The following BPI variants were observed in gnomAD, a reference collection of about 807,000 sequenced individuals.
The protein encoded by BPI is bactericidal permeability increasing protein.
Under a neutral mutation model 57.6 loss-of-function variants are expected in BPI, and 48 were observed. That is an observed-to-expected ratio of 0.83 (90% confidence interval 0.66 to 1.06). The LOEUF (loss-of-function observed/expected upper bound fraction) is 1.06, where lower values mean the gene tolerates loss of function less well. BPI is among the 50% of genes least tolerant of loss of function. BPI has a pLI of 0.00. For missense variants in BPI, 651 were observed against 609.7 expected, an observed-to-expected ratio of 1.07 and a Z score of -0.71; for synonymous variants, 237 against 238.2, an observed-to-expected ratio of 0.99 and a Z score of 0.05.
At chr20:38,336,793 T>G (rs1252445006) in intron 14 of BPI, among the ~76,000 whole-genome samples, 5 of 152,098 alleles carry the variant, frequency 3.3e-5, no homozygotes, top group African/African-American at 1.2e-4. Flanking sequence ...AAATCCTGAG[T>G]GAAGGACACA....
intron 3 of BPI, 55 bp downstream of exon 3, chr20:38,309,113 G>A: frequency 5.0e-6 from 8 of 1,608,658 alleles, no homozygotes; most frequent in Admixed American, 1.7e-5. Flanking sequence ...ATTTGGACGG[G>A]ATTAGAGAGT....
chr20:38,325,163 C>T (rs192956737), intron 9 of BPI, among the ~76,000 whole-genome samples: 276 of 152,290 alleles, frequency 1.8e-3, no homozygotes, highest in Middle Eastern at 0.01. Flanking sequence ...AGCTCCCAGA[C>T]CAGTGGAGAG....
Position 38,315,039 on chromosome 20 carries a change from G to A in BPI, c.600+3102G>A, listed in dbSNP as rs372662967. Among the ~76,000 whole-genome samples, 21 of 152,200 alleles carry A rather than the reference G, an allele frequency of 1.4e-4. No individual in the cohort carries two copies. In the East Asian group the frequency reaches 4.0e-3, roughly 29 times the overall value. On this transcript the variant is annotated intron_variant, in intron 5 of 14. Transcript: ENST00000642449. ...GATGGTGGGGATGGTGATGATGTTG[G>A]CCCATATAATATACTGAGTGTTTAC...
At chr20:38,309,462 G>A (rs2076611967) in intron 3 of BPI, among the ~76,000 whole-genome samples, 1 of 152,156 alleles carries the variant, frequency 6.6e-6, no homozygotes. Context: ...AGCAGAGGAG[G>A]CTTGGCTCCA....
Position 38,319,849 on chromosome 20 carries a change from C to T in BPI, c.665-334C>T, listed in dbSNP as rs545323765. The T allele has an allele frequency of 2.1e-5, 4 of 186,836 alleles. No individual in the cohort carries two copies. The South Asian group carries it at 3.3e-4, about 15-fold the overall frequency. The allele number at this position is 186,836 out of a possible 1,614,324, so 11.6% of individuals were successfully genotyped here. A position where few individuals can be genotyped will look rare whatever the true frequency, so the allele number is the denominator to read the frequency against. On this transcript the variant is annotated intron_variant, in intron 6 of 14. Transcript: ENST00000642449. The stretch of plus-strand genomic sequence containing the variant: ...GGTCACTAGGATTCTCTCTGTTCTA[C>T]AAATGACAAAAAGTGCTCAGAGAAG...
Position 38,334,669 on chromosome 20 carries a change from A to G in BPI, c.1336+176A>G, listed in dbSNP as rs6014756. On this transcript the variant is annotated intron_variant, in intron 13 of 14. Coordinates refer to ENST00000642449, the MANE Select transcript of BPI (RefSeq NM_001725.3). ...AATGCAACAAAAAGGAACTCACATG[A>G]GTTGACTTACTACACATGGGTTGAT... is the stretch of plus-strand genomic sequence containing the variant. Among the ~76,000 whole-genome samples the G allele has an allele frequency of 5.5e-3, 835 of 152,320 alleles. 9 individuals carry two copies. The highest frequency in any genetic ancestry group is 0.019 in the African/African-American group (800 of 41,574).
At chr20:38,334,547 G>C (rs1308525347) in intron 13 of BPI, 54 bp downstream of exon 13, 1 of 1,554,166 alleles carries the variant, frequency 6.4e-7, no homozygotes, top group Non-Finnish European at 8.9e-7. Context: ...AGAGGGTGGG[G>C]TTGATTACCC....
intron 5 of BPI, among the ~76,000 whole-genome samples, chr20:38,313,463 A>G (rs1005432428): frequency 1.3e-5 from 2 of 151,458 alleles, no homozygotes; most frequent in Non-Finnish European, 2.9e-5. Context: ...GTAAGGATTC[A>G]TGAGATAACC....
intron 7 of BPI, among the ~76,000 whole-genome samples, chr20:38,320,511 C>T (rs548306242): frequency 1.1e-4 from 16 of 151,992 alleles, no homozygotes; most frequent in East Asian, 3.9e-4. Flanking sequence ...CTTTTTCCTC[C>T]GCCTGGGTAC....
At chr20:38,312,074 C>A (rs2076624688) in intron 5 of BPI, 137 bp downstream of exon 5, 4 of 833,170 alleles carry the variant, frequency 4.8e-6, no homozygotes, top group Non-Finnish European at 7.7e-6. Flanking sequence ...ACCACAACCC[C>A]AGCTCTAAAA....
chr20:38,310,354 G>A, intron 3 of BPI, 137 bp from the exon 4 acceptor site: 5 of 1,049,826 alleles, frequency 4.8e-6, no homozygotes, highest in Non-Finnish European at 6.9e-6. Context: ...TCTTGGGCAA[G>A]CTGCCTCTTC....
At chr20:38,315,764 C>CT (rs1242987536) in intron 5 of BPI, among the ~76,000 whole-genome samples, 2 of 149,650 alleles carry the variant, frequency 1.3e-5, no homozygotes, top group Non-Finnish European at 3.0e-5. Flanking sequence ...TCCTTCCTTT[C>CT]TTTCCTTCTT....
chr20:38,329,154 G>A (rs2076729441), intron 11 of BPI, among the ~76,000 whole-genome samples: 1 of 152,108 alleles, frequency 6.6e-6, no homozygotes, highest in Non-Finnish European at 1.5e-5. Flanking sequence ...GAAGGGAGGG[G>A]AGAGATGTAG....
chr20:38,319,154 G>A (rs905917585), intron 6 of BPI, among the ~76,000 whole-genome samples: 4 of 152,194 alleles, frequency 2.6e-5, no homozygotes, highest in Admixed American at 6.5e-5. Flanking sequence ...AGAATCACTT[G>A]AACCCAGGAG....
intron 14 of BPI, among the ~76,000 whole-genome samples, chr20:38,336,243 T>G (rs1030571592): frequency 2.6e-5 from 4 of 151,986 alleles, no homozygotes; most frequent in African/African-American, 9.7e-5. Flanking sequence ...GCCCCTTCTC[T>G]GCAAGCTGGA....
chr20:38,308,308 C>T (rs142527221), intron 2 of BPI, among the ~76,000 whole-genome samples: 233 of 152,296 alleles, frequency 1.5e-3, no homozygotes, highest in African/African-American at 5.0e-3. Flanking sequence ...GCTCCACCCC[C>T]GAAGATGGAC....
intron 12 of BPI, among the ~76,000 whole-genome samples, chr20:38,332,682 A>G (rs2425358): frequency 0.052 from 7,889 of 152,170 alleles, 330 homozygotes; most frequent in Non-Finnish European, 0.072. Context: ...ACGTACTGAC[A>G]TGGAGAAAGG....
chr20:38,304,179 C>T lies in BPI; in HGVS notation c.-45C>T. On this transcript the variant is annotated 5_prime_UTR_variant, in exon 1 of 15. Coordinates refer to ENST00000642449, the MANE Select transcript of BPI (RefSeq NM_001725.3). The stretch of plus-strand genomic sequence containing the variant: ...CTCTTTTATAGCTCCCTGGTTCAAC[C>T]TCAAGGCCTTGAGGTTTTGGCAGCT... 1 of 1,613,454 alleles carries T rather than the reference C, an allele frequency of 6.2e-7. No homozygotes were observed. Among genetic ancestry groups the T allele is most frequent in the South Asian group, 1.1e-5 (1 of 91,074 alleles).
intron 7 of BPI, among the ~76,000 whole-genome samples, chr20:38,322,651 C>T (rs980405745): frequency 5.3e-5 from 8 of 152,174 alleles, no homozygotes; most frequent in Admixed American, 5.2e-4. Context: ...TGTCTTGTTG[C>T]CCAGGCTGGA....
Sources: allele counts gnomAD v4.1 joint callset (sites outside exome capture counted in the v4.1 genomes callset), GRCh38; gene constraint gnomAD v4.1.1; transcripts MANE v1.5; gene names NCBI Gene and HGNC (gene_info 2026-07-23, HGNC 2026-07-21).